The following RTP2 variants were observed in gnomAD, a reference collection of about 807,000 sequenced individuals.
RTP2 encodes receptor transporter protein 2, also known as receptor-transporting protein 2.
RTP2 carries 12 observed loss-of-function variants against 17.9 expected under a neutral mutation model. The observed-to-expected ratio is 0.67, with a 90% CI of 0.43 to 1.09. The LOEUF (loss-of-function observed/expected upper bound fraction) is 1.09. Ranked by LOEUF, RTP2 falls within the 50% of genes least tolerant of loss-of-function variation. The pLI is 0.00. For synonymous variants in RTP2, 126 were observed against 117.7 expected, an observed-to-expected ratio of 1.07 and a Z score of -0.46; for missense variants, 327 against 295.7, an observed-to-expected ratio of 1.11 and a Z score of -0.78.
At chr3:187,706,837 G>A (rs938997591), upstream of RTP2, among the ~76,000 whole-genome samples, 3 of 152,086 alleles carry the variant, frequency 2.0e-5, no homozygotes. Flanking sequence ...TCCTGACGTC[G>A]TGATCCACCC....
exon 2 of RTP2, chr3:187,698,552 G>A: frequency 6.2e-7 from 1 of 1,614,142 alleles, no homozygotes; most frequent in Non-Finnish European, 8.5e-7. Context: ...CGAGCAGGCA[G>A]AGAGAGGCCC....
chr3:187,701,597 C>G (rs958966641), intron 1 of RTP2, among the ~76,000 whole-genome samples: 1 of 152,098 alleles, frequency 6.6e-6, no homozygotes, highest in Non-Finnish European at 1.5e-5. Context: ...TAGCTGTACC[C>G]CCTGCATTCC....
At chr3:187,714,477 G>A in the RTP2 span, among the ~76,000 whole-genome samples, 12 of 152,210 alleles carry the variant, frequency 7.9e-5, no homozygotes, top group South Asian at 2.1e-4. Flanking sequence ...TAGGTACAAA[G>A]CCATAGGAGA....
At chr3:187,713,324 A>C in the RTP2 span, among the ~76,000 whole-genome samples, 1 of 152,240 alleles carries the variant, frequency 6.6e-6, no homozygotes, top group African/African-American at 2.4e-5. Context: ...CACTGTTGTG[A>C]GTTGAAAAAG....
upstream of RTP2, among the ~76,000 whole-genome samples, chr3:187,705,595 T>C (rs1717972964): frequency 6.6e-6 from 1 of 152,216 alleles, no homozygotes; most frequent in African/African-American, 2.4e-5. Context: ...CCATTAAAGC[T>C]GAGTCCATTC....
upstream of RTP2, among the ~76,000 whole-genome samples, chr3:187,703,150 G>A (rs1257572037): frequency 6.6e-6 from 1 of 152,236 alleles, no homozygotes; most frequent in Non-Finnish European, 1.5e-5. Flanking sequence ...GTTACCTGAA[G>A]GGAGGCTGCC....
the RTP2 span, among the ~76,000 whole-genome samples, chr3:187,709,879 T>G: frequency 3.9e-5 from 6 of 152,146 alleles, no homozygotes; most frequent in Admixed American, 1.3e-4. Flanking sequence ...ATACGATTTC[T>G]GGATGTGTCT....
At chr3:187,703,852 TC>T (rs201687246), upstream of RTP2, among the ~76,000 whole-genome samples, 440 of 151,192 alleles carry the variant, frequency 2.9e-3, no homozygotes, top group East Asian at 7.8e-3. Flanking sequence ...ACCTGTATTT[TC>T]TTTTTTCCTC....
exon 2 of RTP2, chr3:187,698,839 TCTC>T: frequency 6.2e-7 from 1 of 1,612,948 alleles, no homozygotes; most frequent in Non-Finnish European, 8.5e-7. Flanking sequence ...CCCTCGATGT[TCTC>T]CTCCAGCATG....
At chr3:187,708,076 A>G in the RTP2 span, among the ~76,000 whole-genome samples, 1 of 152,220 alleles carries the variant, frequency 6.6e-6, no homozygotes, top group Non-Finnish European at 1.5e-5. Context: ...ATGAGTTTTT[A>G]TTGTCCGTAA....
At chr3:187,706,055 T>C (rs919962962), upstream of RTP2, among the ~76,000 whole-genome samples, 2 of 152,186 alleles carry the variant, frequency 1.3e-5, no homozygotes, top group African/African-American at 4.8e-5. Context: ...CCCAAAATGA[T>C]CAGGCTTTGC....
At chr3:187,704,832 C>T, upstream of RTP2, among the ~76,000 whole-genome samples, 1 of 152,172 alleles carries the variant, frequency 6.6e-6, no homozygotes, top group East Asian at 1.9e-4. Context: ...ACCTCTGAAT[C>T]TCAGGGGAGG....
At chr3:187,708,250 T>C in the RTP2 span, among the ~76,000 whole-genome samples, 5 of 152,204 alleles carry the variant, frequency 3.3e-5, no homozygotes, top group Admixed American at 6.5e-5. Context: ...AGATTTTTCA[T>C]GCTATAGGAA....
At chr3:187,700,129 C>G (rs1717809109) in intron 1 of RTP2, among the ~76,000 whole-genome samples, 1 of 152,162 alleles carries the variant, frequency 6.6e-6, no homozygotes, top group Non-Finnish European at 1.5e-5. Context: ...CAATTCAATC[C>G]AACAGACACC....
the RTP2 span, chr3:187,715,513 G>A: frequency 8.7e-6 from 3 of 343,802 alleles, no homozygotes; most frequent in Admixed American, 7.4e-5. Context: ...AATCATGGTA[G>A]TATTATTTCC....
upstream of RTP2, among the ~76,000 whole-genome samples, chr3:187,705,339 C>T (rs1362012427): frequency 6.6e-6 from 1 of 152,160 alleles, no homozygotes; most frequent in Non-Finnish European, 1.5e-5. Flanking sequence ...TGAGGCTCAA[C>T]ACACACAAAA....
upstream of RTP2, among the ~76,000 whole-genome samples, chr3:187,706,959 C>G (rs1036056593): frequency 2.0e-5 from 3 of 152,194 alleles, no homozygotes; most frequent in African/African-American, 7.2e-5. Flanking sequence ...ACCTACCACA[C>G]ACATCTGGGT....
chr3:187,709,178 A>AT, the RTP2 span, among the ~76,000 whole-genome samples: 1 of 152,202 alleles, frequency 6.6e-6, no homozygotes, highest in South Asian at 2.1e-4. Context: ...AATGTATTTG[A>AT]TTTTTTAAAA....
chr3:187,711,822 T>C, the RTP2 span, among the ~76,000 whole-genome samples: 1 of 152,338 alleles, frequency 6.6e-6, no homozygotes, highest in Middle Eastern at 3.4e-3. Flanking sequence ...AATAAGCTTA[T>C]ACTTGCACAG....
Sources: allele counts gnomAD v4.1 joint callset (sites outside exome capture counted in the v4.1 genomes callset), GRCh38; gene constraint gnomAD v4.1.1; transcripts MANE v1.5; gene names NCBI Gene and HGNC (gene_info 2026-07-23, HGNC 2026-07-21).